Variants in NAV3 observed in about 807,000 individuals in gnomAD.
The protein encoded by NAV3 is neuron navigator 3, also known as pore membrane and/or filament interacting like protein 1.
Under a neutral mutation model 244.7 loss-of-function variants are expected in NAV3, and 87 were observed. The ratio of observed to expected loss-of-function variants is 0.36; its 90% confidence interval spans 0.30 to 0.42. The LOEUF (loss-of-function observed/expected upper bound fraction) is 0.42, where lower values mean the gene tolerates loss of function less well. Ranked by LOEUF, NAV3 falls within the 20% of genes least tolerant of loss-of-function variation. The probability of loss-of-function intolerance (pLI) is 1.00; values close to 1 mark genes in which losing one functional copy is unlikely to be tolerated. For missense variants in NAV3, 2,663 were observed against 2,893.3 expected, an observed-to-expected ratio of 0.92 and a Z score of 1.83; for synonymous variants, 1,126 against 1,042.2, an observed-to-expected ratio of 1.08 and a Z score of -1.55.
intron 2 of NAV3, among the ~76,000 whole-genome samples, chr12:77,582,360 A>G (rs1172268542): frequency 6.6e-6 from 1 of 152,186 alleles, no homozygotes; most frequent in African/African-American, 2.4e-5. Flanking sequence ...CTACTCCCCA[A>G]ATGACTTTGA....
intron 20 of NAV3, among the ~76,000 whole-genome samples, chr12:78,142,710 T>C (rs1281907940): frequency 2.9e-5 from 2 of 68,712 alleles, no homozygotes; most frequent in East Asian, 4.3e-4. Context: ...TATGTGTATA[T>C]ATATACATAT....
At chr12:77,709,027 C>G (rs922641173) in intron 2 of NAV3, among the ~76,000 whole-genome samples, 7 of 152,194 alleles carry the variant, frequency 4.6e-5, no homozygotes, top group African/African-American at 1.4e-4. Context: ...TTGACTTCCT[C>G]TTTTCCTAAG....
intron 11 of NAV3, chr12:78,056,381 A>G (rs1883511912): frequency 6.6e-6 from 1 of 152,204 alleles, no homozygotes; most frequent in South Asian, 2.1e-4. Context: ...AGGGCTGGAG[A>G]TACCCAGGAA....
At chr12:77,882,558 A>G (rs1049181167) in intron 1 of NAV3, among the ~76,000 whole-genome samples, 2 of 152,200 alleles carry the variant, frequency 1.3e-5, no homozygotes, top group Non-Finnish European at 2.9e-5. Flanking sequence ...AGCAATCGCA[A>G]TAAAAACAAA....
chr12:77,574,303 A>T (rs183118118), intron 2 of NAV3, among the ~76,000 whole-genome samples: 8 of 152,258 alleles, frequency 5.3e-5, no homozygotes, highest in African/African-American at 1.9e-4. Flanking sequence ...GTATGTATAG[A>T]TAAAGGTTTA....
intron 1 of NAV3, among the ~76,000 whole-genome samples, chr12:77,921,760 T>G (rs1887729751): frequency 6.6e-6 from 1 of 152,114 alleles, no homozygotes; most frequent in Non-Finnish European, 1.5e-5. Context: ...TTTTATTTTT[T>G]ATACCAACAA....
At position 78,119,234 on chromosome 12, in the gene NAV3, T is replaced by C. The variant is rs1230216913; in HGVS notation, c.3041-3T>C. 7 of 1,605,820 alleles carry C rather than the reference T, an allele frequency of 4.4e-6. No individual in the cohort carries two copies. Among genetic ancestry groups the C allele is most frequent in the Non-Finnish European group, 5.9e-6 (7 of 1,177,108 alleles). The stretch of plus-strand genomic sequence containing the variant: ...ATATATTTGTGTATTTCTCCTTAAT[T>C]AGGGAAAACCGATGATGCCAAAGCT... On this transcript the variant is annotated splice_region_variant and splice_polypyrimidine_tract_variant and intron_variant, in intron 14 of 39. Transcript: ENST00000397909.
chr12:78,041,416 GA>G (rs1247951126), intron 9 of NAV3, among the ~76,000 whole-genome samples: 1 of 152,160 alleles, frequency 6.6e-6, no homozygotes, highest in South Asian at 2.1e-4. Context: ...ATGTTTGCCT[GA>G]AAAATATAGT....
chr12:77,894,961 C>T (rs1295360775), intron 1 of NAV3, among the ~76,000 whole-genome samples: 1 of 152,204 alleles, frequency 6.6e-6, no homozygotes, highest in Non-Finnish European at 1.5e-5. Context: ...CACTACTGTG[C>T]TCTAGCAGAT....
At chr12:77,832,676 A>G (rs1230006420) in intron 1 of NAV3, among the ~76,000 whole-genome samples, 3 of 152,140 alleles carry the variant, frequency 2.0e-5, no homozygotes, top group African/African-American at 7.2e-5. Flanking sequence ...AGAATAAGTT[A>G]TTGTTGACAG....
intron 2 of NAV3, among the ~76,000 whole-genome samples, chr12:77,720,322 C>G (rs554620004): frequency 6.4e-4 from 97 of 152,272 alleles, no homozygotes; most frequent in Non-Finnish European, 1.2e-3. Flanking sequence ...CAGAGGAAGG[C>G]CTTTACCCAT....
intron 20 of NAV3, among the ~76,000 whole-genome samples, chr12:78,145,635 C>G (rs1956835025): frequency 6.6e-6 from 1 of 152,084 alleles, no homozygotes; most frequent in Admixed American, 6.6e-5. Flanking sequence ...AAAAACAGAG[C>G]TAGGAGTTTT....
chr12:78,044,897 TCTTCCTATCTAAATGCA>T (rs1477576902), intron 9 of NAV3, among the ~76,000 whole-genome samples: 6 of 152,340 alleles, frequency 3.9e-5, no homozygotes, highest in South Asian at 2.1e-4. Context: ...TGACTTCCTC[TCTTCCTATCTAAATGCA>T]CTTTATTTCT....
At chr12:77,663,231 C>A (rs1259268375) in intron 2 of NAV3, among the ~76,000 whole-genome samples, 7 of 152,082 alleles carry the variant, frequency 4.6e-5, no homozygotes, top group African/African-American at 1.7e-4. Context: ...ATACAAATGC[C>A]TGTTTTCCCC....
chr12:78,063,540 G>A (rs966874696), intron 12 of NAV3, among the ~76,000 whole-genome samples: 1 of 152,040 alleles, frequency 6.6e-6, no homozygotes, highest in Non-Finnish European at 1.5e-5. Flanking sequence ...GTAGCACCTT[G>A]GGTAAAAATA....
chr12:77,882,672 A>G (rs1882801836), intron 1 of NAV3, among the ~76,000 whole-genome samples: 1 of 152,172 alleles, frequency 6.6e-6, no homozygotes, highest in Admixed American at 6.6e-5. Flanking sequence ...AAATATTCAC[A>G]AACTATGTAT....
chr12:77,766,735 G>GTTTTTTTTTTTTT lies in NAV3; in HGVS notation c.73-173560_73-173548dup, dbSNP rs748531378. Among the ~76,000 whole-genome samples, 17 of 60,510 alleles carry GTTTTTTTTTTTTT rather than the reference G, an allele frequency of 2.8e-4. 2 individuals are homozygous for GTTTTTTTTTTTTT. The highest frequency in any genetic ancestry group is 5.7e-4 in the African/African-American group (9 of 15,832). 39.7% of individuals were successfully genotyped at this position (60,510 alleles called of 152,430 possible). ...AGGATTCTAAAAAACAGGCAATTAA[G>GTTTTTTTTTTTTT]TTTTTTTTTTTTTTTTTTTTTTTTT... On this transcript the variant is annotated intron_variant, in intron 2 of 8. Coordinates refer to the NAV3 transcript ENST00000550042.
intron 2 of NAV3, among the ~76,000 whole-genome samples, chr12:77,751,929 G>A (rs1487972330): frequency 6.6e-6 from 1 of 152,090 alleles, no homozygotes; most frequent in Non-Finnish European, 1.5e-5. Context: ...GATGTCTTCA[G>A]GGAGATATTT....
chr12:78,033,178 G>C (rs1038064200), intron 9 of NAV3, among the ~76,000 whole-genome samples: 32 of 151,582 alleles, frequency 2.1e-4, no homozygotes, highest in African/African-American at 6.8e-4. Flanking sequence ...ACCAGACTTT[G>C]TATTAAAAGT....
Sources: gnomAD v4.1 joint callset for allele counts (sites outside exome capture counted in the v4.1 genomes callset) on GRCh38, gnomAD v4.1.1 for gene constraint, MANE v1.5 for transcripts, NCBI Gene and HGNC (gene_info 2026-07-23, HGNC 2026-07-21) for gene names.